Variants in ATF7IP observed in about 807,000 individuals in gnomAD.
The protein encoded by ATF7IP is activating transcription factor 7-interacting protein 1.
Under a neutral mutation model 106.4 loss-of-function variants are expected in ATF7IP, and 23 were observed. The ratio of observed to expected loss-of-function variants is 0.22; its 90% CI spans 0.16 to 0.31. The LOEUF (loss-of-function observed/expected upper bound fraction) is 0.31, where lower values mean the gene tolerates loss of function less well. ATF7IP is among the 10% of genes least tolerant of loss of function. ATF7IP has a pLI of 1.00. For missense variants in ATF7IP, 1,334 were observed against 1,524.3 expected, an observed-to-expected ratio of 0.88 and a Z score of 2.08; for synonymous variants, 542 against 539.0, an observed-to-expected ratio of 1.01 and a Z score of -0.08.
At chr12:14,426,048 C>T (rs1941831323) in intron 2 of ATF7IP, among the ~76,000 whole-genome samples, 1 of 152,114 alleles carries the variant, frequency 6.6e-6, no homozygotes. Context: ...TATTCTCTTC[C>T]TCATTTTCTG....
At chr12:14,436,061 A>G (rs1353793977) in intron 3 of ATF7IP, 45 bp from the exon 4 acceptor site, 2 of 1,594,150 alleles carry the variant, frequency 1.3e-6, no homozygotes, top group Non-Finnish European at 1.7e-6. Context: ...ATTAAGAGCT[A>G]TAAGAAAAAC....
chr12:14,454,995 A>G (rs1408986797), intron 6 of ATF7IP, among the ~76,000 whole-genome samples: 1 of 152,050 alleles, frequency 6.6e-6, no homozygotes, highest in Non-Finnish European at 1.5e-5. Flanking sequence ...CCTGGTCAAC[A>G]TGGCAAAACC....
At chr12:14,377,465 C>T (rs1461245627) in intron 1 of ATF7IP, among the ~76,000 whole-genome samples, 1 of 151,210 alleles carries the variant, frequency 6.6e-6, no homozygotes, top group Non-Finnish European at 1.5e-5. Context: ...ACGCCATTCT[C>T]CTGCCTCAGC....
At chr12:14,419,909 G>A (rs1941403544) in intron 1 of ATF7IP, 1 of 151,996 alleles carries the variant, frequency 6.6e-6, no homozygotes, top group Non-Finnish European at 1.5e-5. Context: ...TAAGTAATTG[G>A]CTTAAAGTGA....
intron 6 of ATF7IP, among the ~76,000 whole-genome samples, chr12:14,454,245 T>TG (rs573780559): frequency 7.9e-5 from 12 of 152,148 alleles, no homozygotes; most frequent in Non-Finnish European, 1.6e-4. Context: ...CTCTCTACTC[T>TG]GAAGCTCCCT....
chr12:14,366,032 T>C (rs1400099971), intron 1 of ATF7IP, among the ~76,000 whole-genome samples: 1 of 152,240 alleles, frequency 6.6e-6, no homozygotes, highest in African/African-American at 2.4e-5. Context: ...GGGCGGTGGC[T>C]GCGCAAGCGC....
Position 14,440,722 on chromosome 12 carries a change from A to G in ATF7IP, c.1929+2455A>G, listed in dbSNP as rs531658575. On this transcript the variant is annotated intron_variant, in intron 5 of 14. Coordinates refer to ENST00000261168, the MANE Select transcript of ATF7IP (RefSeq NM_018179.5). ...CACAATCTCTATCTAGTTTCAAAACATTTTTGTCAACTCAAAAAGAAACGT... is the reference window on the plus strand; with the variant it reads ...CACAATCTCTATCTAGTTTCAAAACGTTTTTGTCAACTCAAAAAGAAACGT... Among the ~76,000 whole-genome samples the G allele has an allele frequency of 3.3e-5, 5 of 152,320 alleles. No individual in the cohort carries two copies. The South Asian group carries it at 8.3e-4, about 25-fold the overall frequency.
chr12:14,464,636 A>T lies in ATF7IP; in HGVS notation c.2798-1890A>T, dbSNP rs1398141814. ...AATATTTATATCCAGAAGTCATCCAAGGTAGATCTTGTAGAAGAAAGGAAA... is the reference window on the plus strand; with the variant it reads ...AATATTTATATCCAGAAGTCATCCATGGTAGATCTTGTAGAAGAAAGGAAA... On this transcript the variant is annotated intron_variant, in intron 9 of 14. Coordinates refer to ENST00000261168, the MANE Select transcript of ATF7IP (RefSeq NM_018179.5). Among the ~76,000 whole-genome samples the T allele has an allele frequency of 2.0e-5, 3 of 152,210 alleles. No individual in the cohort carries two copies. In the South Asian group the frequency reaches 6.2e-4, roughly 31 times the overall value.
chr12:14,435,269 G>C (rs1269092103), intron 3 of ATF7IP, among the ~76,000 whole-genome samples: 3 of 152,162 alleles, frequency 2.0e-5, no homozygotes, highest in African/African-American at 7.2e-5. Flanking sequence ...GCTGGGTTCA[G>C]TAACTTTCCT....
At chr12:14,494,974 C>CTGCAA (rs1428900352) in intron 13 of ATF7IP, among the ~76,000 whole-genome samples, 1 of 147,840 alleles carries the variant, frequency 6.8e-6, no homozygotes, top group Non-Finnish European at 1.5e-5. Context: ...AGTAGGCTGT[C>CTGCAA]TGCAAGCTGA....
At chr12:14,373,156 A>G (rs1200101031) in intron 1 of ATF7IP, among the ~76,000 whole-genome samples, 1 of 152,214 alleles carries the variant, frequency 6.6e-6, no homozygotes, top group Non-Finnish European at 1.5e-5. Flanking sequence ...ATAGAATGTC[A>G]TAGGAAAAAG....
intron 1 of ATF7IP, among the ~76,000 whole-genome samples, chr12:14,377,543 G>C (rs1336085010): frequency 6.6e-6 from 1 of 151,406 alleles, no homozygotes; most frequent in Non-Finnish European, 1.5e-5. Context: ...TTTTAGTAGA[G>C]ACGGGGTTTC....
chr12:14,376,968 T>G (rs1266137462), intron 1 of ATF7IP, among the ~76,000 whole-genome samples: 1 of 152,090 alleles, frequency 6.6e-6, no homozygotes, highest in African/African-American at 2.4e-5. Context: ...CTGTCATACC[T>G]AATTAAAGGA....
At chr12:14,372,851 C>G (rs918937680) in intron 1 of ATF7IP, among the ~76,000 whole-genome samples, 4 of 152,044 alleles carry the variant, frequency 2.6e-5, no homozygotes, top group Admixed American at 6.6e-5. Context: ...GTCCATCACT[C>G]TTGGCATTCT....
rs1241182147 is a variant in ATF7IP at position 14,481,362 on chromosome 12, A to C, written c.3280+177A>C. 2 of 626,138 alleles carry C rather than the reference A, an allele frequency of 3.2e-6. 1 individual carries two copies. Among genetic ancestry groups the C allele is most frequent in the East Asian group, 5.5e-5 (2 of 36,246 alleles). The allele number at this position is 626,138 out of a possible 1,614,324, so 38.8% of individuals were successfully genotyped here. A position where few individuals can be genotyped will look rare whatever the true frequency, so the allele number is the denominator to read the frequency against. On this transcript the variant is annotated intron_variant, in intron 13 of 14. Coordinates refer to ENST00000261168, the MANE Select transcript of ATF7IP (RefSeq NM_018179.5). ...ACATAGAAACTATAGTATAGTTAAA[A>C]TCAATGTAGTATATTCTTGAAAATA...
intron 1 of ATF7IP, among the ~76,000 whole-genome samples, chr12:14,408,141 C>A (rs1013672722): frequency 7.3e-5 from 11 of 151,300 alleles, no homozygotes; most frequent in Admixed American, 5.9e-4. Context: ...CACACACACA[C>A]AAATATATAT....
At chr12:14,389,401 T>A (rs966296403) in intron 1 of ATF7IP, among the ~76,000 whole-genome samples, 1 of 152,194 alleles carries the variant, frequency 6.6e-6, no homozygotes, top group African/African-American at 2.4e-5. Flanking sequence ...GAGAAGTGTT[T>A]TGGGTATAGT....
intron 1 of ATF7IP, among the ~76,000 whole-genome samples, chr12:14,378,277 A>G (rs7134321): frequency 1.3e-5 from 2 of 151,380 alleles, no homozygotes; most frequent in African/African-American, 4.8e-5. Flanking sequence ...TTTGTATTTT[A>G]AGTAGAGATG....
intron 1 of ATF7IP, chr12:14,385,061 C>G (rs932411607): frequency 4.0e-6 from 1 of 252,922 alleles, no homozygotes; most frequent in African/African-American, 2.2e-5. Flanking sequence ...GTCTGTATTG[C>G]AAGACGGGAT....
Sources: gnomAD v4.1 joint callset for allele counts (sites outside exome capture counted in the v4.1 genomes callset) on GRCh38, gnomAD v4.1.1 for gene constraint, MANE v1.5 for transcripts, NCBI Gene and HGNC (gene_info 2026-07-23, HGNC 2026-07-21) for gene names.